ALDOB: variants seen among roughly 807,000 people sequenced by gnomAD.
The protein encoded by ALDOB is aldolase, fructose-bisphosphate B.
Under a neutral mutation model 41.0 loss-of-function variants are expected in ALDOB, and 39 were observed. The observed-to-expected ratio is 0.95, with a 90% CI of 0.74 to 1.24. The LOEUF is 1.24. ALDOB is among the 50% of genes most tolerant of loss of function. The pLI is 0.00. For synonymous variants in ALDOB, 175 were observed against 168.8 expected, an observed-to-expected ratio of 1.04 and a Z score of -0.28; for missense variants, 530 against 457.3, an observed-to-expected ratio of 1.16 and a Z score of -1.45.
chr9:101,429,459 T>C (rs1219464299), intron 3 of ALDOB, among the ~76,000 whole-genome samples: 2 of 152,170 alleles, frequency 1.3e-5, no homozygotes, highest in African/African-American at 4.8e-5. Context: ...ACGTCCAGCC[T>C]AGAAACTTTT....
At chr9:101,425,327 G>C in intron 7 of ALDOB, 126 bp downstream of exon 7, 2 of 1,171,362 alleles carry the variant, frequency 1.7e-6, no homozygotes, top group Non-Finnish European at 1.2e-6. Context: ...AAGAAGTGCT[G>C]GCTGCCTGTG....
rs922806049 is a variant in ALDOB at position 101,425,448 on chromosome 9, C to T, written c.799+5G>A. On this transcript the variant is annotated splice_donor_5th_base_variant and intron_variant, in intron 7 of 8. Transcript: ENST00000647789. ...CCTTGAGTTAGAGAAGAAAGAAGGC[C>T]TTACCAGGAACAGCTGCAGGAACAG... The T allele has an allele frequency of 1.9e-6, 3 of 1,613,992 alleles. No individual in the cohort carries two copies. The African/African-American group carries it at 4.0e-5, about 22-fold the overall frequency.
At chr9:101,425,343 A>G in intron 7 of ALDOB, 110 bp downstream of exon 7, 1 of 1,333,436 alleles carries the variant, frequency 7.5e-7, no homozygotes, top group Admixed American at 1.8e-5. Context: ...CTGTGAGATA[A>G]CAGAGGTTTG....
In ALDOB at chr9:101,430,770, A is replaced by T; in HGVS notation, c.112+6T>A. The T allele has an allele frequency of 6.2e-7, 1 of 1,601,324 alleles. No individual in the cohort carries two copies. The highest frequency in any genetic ancestry group is 1.1e-5 in the South Asian group (1 of 90,842). The stretch of plus-strand genomic sequence containing the variant: ...GTTATATGATGAGACTGCTTTTTAC[A>T]CTCACCTACAGATTCATCTGCAGCC... On this transcript the variant is annotated splice_donor_region_variant and intron_variant, in intron 2 of 8. Coordinates refer to ENST00000647789, the MANE Select transcript of ALDOB (RefSeq NM_000035.4).
intron 1 of ALDOB, among the ~76,000 whole-genome samples, chr9:101,435,133 A>G (rs1254440065): frequency 2.0e-5 from 3 of 152,172 alleles, no homozygotes; most frequent in Non-Finnish European, 4.4e-5. Context: ...TAATCAAATG[A>G]TGACTATGCT....
chr9:101,422,688 G>GT (rs1283871621), intron 8 of ALDOB, among the ~76,000 whole-genome samples: 2 of 152,124 alleles, frequency 1.3e-5, no homozygotes, highest in Non-Finnish European at 2.9e-5. Context: ...AAGTTCTAGT[G>GT]TTTGATACAA....
Position 101,421,559 on chromosome 9 carries a change from T to A in ALDOB, c.*250A>T. 1.8e-6 allele frequency: 1 copy of A among 547,804 alleles called. No individual in the cohort carries two copies. The highest frequency in any genetic ancestry group is 1.9e-5 in the African/African-American group (1 of 52,914). The allele number at this position is 547,804 out of a possible 1,614,324, so 33.9% of individuals were successfully genotyped here. A position where few individuals can be genotyped will look rare whatever the true frequency, so the allele number is the denominator to read the frequency against. The stretch of plus-strand genomic sequence containing the variant: ...AAAGCCTATTATTTTCTTGGGTGGG[T>A]ATTCTGGAGCATGGGGAGCTGAAAG... On this transcript the variant is annotated 3_prime_UTR_variant, in exon 9 of 9. Coordinates refer to ENST00000647789, the MANE Select transcript of ALDOB (RefSeq NM_000035.4).
chr9:101,431,544 G>A (rs995056930), intron 1 of ALDOB, among the ~76,000 whole-genome samples: 4 of 152,156 alleles, frequency 2.6e-5, no homozygotes, highest in African/African-American at 9.7e-5. Context: ...GTTTCTCACT[G>A]CCTATGAGGA....
At chr9:101,423,371 T>A (rs932752198) in intron 8 of ALDOB, among the ~76,000 whole-genome samples, 1 of 152,220 alleles carries the variant, frequency 6.6e-6, no homozygotes, top group Non-Finnish European at 1.5e-5. Flanking sequence ...CTGCATGCTT[T>A]AGACTGCTGT....
intron 6 of ALDOB, among the ~76,000 whole-genome samples, chr9:101,426,233 C>T (rs978875386): frequency 1.3e-5 from 2 of 152,150 alleles, no homozygotes; most frequent in African/African-American, 2.4e-5. Flanking sequence ...CTCATTTGAG[C>T]CACATGTCTT....
At chr9:101,431,910 C>A (rs150186738) in intron 1 of ALDOB, among the ~76,000 whole-genome samples, 1 of 152,134 alleles carries the variant, frequency 6.6e-6, no homozygotes, top group East Asian at 1.9e-4. Flanking sequence ...TATTACTTCC[C>A]GGAAGCCCAG....
intron 6 of ALDOB, among the ~76,000 whole-genome samples, chr9:101,426,256 C>A (rs1032673156): frequency 6.6e-6 from 1 of 152,166 alleles, no homozygotes; most frequent in African/African-American, 2.4e-5. Context: ...TTTAAAATTT[C>A]TTTGTGTACA....
At chr9:101,426,151 C>G (rs1405482854) in intron 6 of ALDOB, among the ~76,000 whole-genome samples, 1 of 152,136 alleles carries the variant, frequency 6.6e-6, no homozygotes, top group South Asian at 2.1e-4. Flanking sequence ...ATGAATAGAA[C>G]CACCCTCTTT....
chr9:101,429,906 T>C lies in ALDOB; in HGVS notation c.173A>G (p.Gln58Arg), dbSNP rs1831192095. ...KVENTEENRR[Q>R]FREILFSVDS... ...CACAGAGAAGAGGATTTCTCGGAAC[T>C]GCCGGCGGTTCTCTTCAGTGTTTTC... The change falls in exon 3 of 9, where the codon CAG becomes CGG. Residue 58 changes from glutamine to arginine, a missense_variant. Gln to Arg is a conservative substitution (Grantham distance 43). Transcript: ENST00000647789. The C allele has an allele frequency of 2.5e-6, 4 of 1,614,126 alleles. No individual in the cohort carries two copies. The highest frequency in any genetic ancestry group is 3.4e-6 in the Non-Finnish European group (4 of 1,180,026).
Position 101,428,556 on chromosome 9 carries a change from G to A in ALDOB, c.325-33C>T, listed in dbSNP as rs376512264. 5.1e-6 allele frequency: 8 copies of A among 1,571,332 alleles called. No individual in the cohort carries two copies. The African/African-American group carries it at 8.1e-5, about 16-fold the overall frequency. On this transcript the variant is annotated intron_variant, in intron 3 of 8. Transcript: ENST00000647789. Reference sequence around the variant, plus strand: ...TACAAATAATTAACAGGTGTCAGATGTCAGGAAAACACAAGCAGAACTCTT... The same window carrying A: ...TACAAATAATTAACAGGTGTCAGATATCAGGAAAACACAAGCAGAACTCTT...
chr9:101,427,802 C>A (rs1032403897), intron 4 of ALDOB, among the ~76,000 whole-genome samples, 160 bp from the exon 5 acceptor site: 1 of 152,122 alleles, frequency 6.6e-6, no homozygotes, highest in Non-Finnish European at 1.5e-5. Context: ...CAACACTGAA[C>A]CAGAAGACTT....
At position 101,425,453 on chromosome 9, in the gene ALDOB, C is replaced by G. The variant is rs774656173; in HGVS notation, c.799G>C (p.Gly267Arg). The G allele has an allele frequency of 6.2e-7, 1 of 1,614,112 alleles. No individual in the cohort carries two copies. Among genetic ancestry groups the G allele is most frequent in the Non-Finnish European group, 8.5e-7 (1 of 1,180,016 alleles). ...LHRTVPAAVP[G>R]ICFLSGGMSE... ...AGTTAGAGAAGAAAGAAGGCCTTAC[C>G]AGGAACAGCTGCAGGAACAGTACGG... Residue 267 changes from glycine to arginine, a missense_variant and splice_region_variant, in exon 7 of 9, where the codon GGC becomes CGC. Coordinates refer to ENST00000647789, the MANE Select transcript of ALDOB (RefSeq NM_000035.4).
chr9:101,426,680 A>G, intron 5 of ALDOB, 42 bp from the exon 6 acceptor site: 1 of 1,216,626 alleles, frequency 8.2e-7, no homozygotes, highest in Non-Finnish European at 1.2e-6. Flanking sequence ...AGCTGTGCTC[A>G]CTGTTATCCT....
rs1482032760 is a variant in ALDOB, at chr9:101,431,009, G to C, written c.-10-112C>G. On this transcript the variant is annotated intron_variant, in intron 1 of 8. Coordinates refer to ENST00000647789, the MANE Select transcript of ALDOB (RefSeq NM_000035.4). Reference sequence around the variant, plus strand: ...CTGTGCAGACCTCTGTGACACCTCTGACCCATTTCCACAGGTGGATAAGCA... The same window carrying C: ...CTGTGCAGACCTCTGTGACACCTCTCACCCATTTCCACAGGTGGATAAGCA... 5 of 755,110 alleles carry C rather than the reference G, an allele frequency of 6.6e-6. No homozygotes were observed. The East Asian group carries it at 7.9e-5, about 12-fold the overall frequency. 46.8% of individuals were successfully genotyped at this position (755,110 alleles called of 1,614,324 possible).
Sources: gnomAD v4.1 joint callset for allele counts (sites outside exome capture counted in the v4.1 genomes callset) on GRCh38, gnomAD v4.1.1 for gene constraint, MANE v1.5 for transcripts, NCBI Gene and HGNC (gene_info 2026-07-23, HGNC 2026-07-21) for gene names.